The following ZNF516 variants were observed in gnomAD, a reference collection of about 807,000 sequenced individuals.
The protein encoded by ZNF516 is zinc finger protein 516.
ZNF516 carries 19 observed loss-of-function variants against 79.7 expected under a neutral mutation model. The ratio of observed to expected loss-of-function variants is 0.24; its 90% confidence interval spans 0.17 to 0.35. ZNF516 has a LOEUF of 0.35. Among genes scored for constraint, ZNF516 ranks in the 10% least tolerant of loss-of-function variants. The probability of loss-of-function intolerance (pLI) is 1.00; values close to 1 mark genes in which losing one functional copy is unlikely to be tolerated. For missense variants in ZNF516, 1,678 were observed against 1,679.5 expected (o/e 1.00, Z 0.02); for synonymous variants, 877 against 739.5 (o/e 1.19, Z -3.02).
At chr18:76,433,511 G>C (rs546550322) in intron 3 of ZNF516, among the ~76,000 whole-genome samples, 1 of 152,334 alleles carries the variant, frequency 6.6e-6, no homozygotes, top group Admixed American at 6.5e-5. Flanking sequence ...GCCCAGGTTT[G>C]CATTCCACCC....
At position 76,380,376 on chromosome 18, in the gene ZNF516, A is replaced by C. The variant is rs2074871889; in HGVS notation, c.1811-73T>G. 3.2e-6 allele frequency: 5 copies of C among 1,540,688 alleles called. No individual in the cohort carries two copies. In the South Asian group the frequency reaches 6.1e-5, roughly 19 times the overall value. On this transcript the variant is annotated intron_variant, in intron 3 of 6. Transcript: ENST00000443185. ...ACACAGCAAGACACACGGTGCGTAC[A>C]GCTACAGCATGTTCCAAGCCATCTG...
At chr18:76,391,137 G>T (rs997958818) in intron 3 of ZNF516, among the ~76,000 whole-genome samples, 3 of 152,096 alleles carry the variant, frequency 2.0e-5, no homozygotes, top group Admixed American at 1.3e-4. Flanking sequence ...AAGGAGGGCT[G>T]CGAGATTTCG....
intron 3 of ZNF516, among the ~76,000 whole-genome samples, chr18:76,418,000 G>A (rs1004833826): frequency 3.3e-5 from 5 of 152,256 alleles, no homozygotes; most frequent in African/African-American, 7.2e-5. Context: ...AAAAATAAAC[G>A]TCAGTTGAAT....
chr18:76,384,708 G>A (rs2074956369), intron 3 of ZNF516, among the ~76,000 whole-genome samples: 1 of 151,614 alleles, frequency 6.6e-6, no homozygotes, highest in Non-Finnish European at 1.5e-5. Flanking sequence ...CGGGGAGGGG[G>A]CTCCAGCTCC....
intron 1 of ZNF516, chr18:76,491,516 G>A (rs1281973398): frequency 3.4e-5 from 5 of 146,054 alleles, no homozygotes; most frequent in African/African-American, 7.4e-5. Flanking sequence ...TACAGTGCAG[G>A]CGTGTGACGT....
intron 3 of ZNF516, among the ~76,000 whole-genome samples, chr18:76,404,204 T>C (rs1009081254): frequency 4.6e-5 from 7 of 152,384 alleles, no homozygotes; most frequent in Admixed American, 6.5e-5. Flanking sequence ...TCCCACATGG[T>C]ATCGCCCTCT....
chr18:76,377,299 G>C (rs533739936), intron 4 of ZNF516, among the ~76,000 whole-genome samples: 4 of 152,256 alleles, frequency 2.6e-5, no homozygotes, highest in Non-Finnish European at 5.9e-5. Context: ...TCGGGTGTCC[G>C]GGCCTACGGC....
At chr18:76,472,079 C>T (rs143489465) in intron 1 of ZNF516, among the ~76,000 whole-genome samples, 64 of 152,290 alleles carry the variant, frequency 4.2e-4, no homozygotes, top group African/African-American at 1.5e-3. Context: ...CCCAGAGCTC[C>T]ATCCTCTTCC....
At chr18:76,489,489 A>C (rs1915030574) in intron 1 of ZNF516, among the ~76,000 whole-genome samples, 1 of 151,810 alleles carries the variant, frequency 6.6e-6, no homozygotes, top group Non-Finnish European at 1.5e-5. Context: ...AGTTTCATTT[A>C]TGAAAGTGGA....
In ZNF516 at chr18:76,360,640, A is replaced by ATATATATAT. The variant is rs1239135425; in HGVS notation, c.*1857_*1858insATATATATA. The ATATATATAT allele has an allele frequency of 9.3e-6, 1 of 107,508 alleles. No homozygotes were observed. The highest frequency in any genetic ancestry group is 3.5e-5 in the African/African-American group (1 of 28,738). 6.7% of individuals were successfully genotyped at this position (107,508 alleles called of 1,614,324 possible). A position where few individuals can be genotyped will look rare whatever the true frequency, so the allele number is the denominator to read the frequency against. On this transcript the variant is annotated 3_prime_UTR_variant, in exon 7 of 7. Transcript: ENST00000443185. ...TATCAGAAAAAAATAAGTAAAAAAA[A>ATATATATAT]AAAAAAATATATATATATATATATA...
chr18:76,396,795 T>C (rs1277477868), intron 3 of ZNF516, among the ~76,000 whole-genome samples: 1 of 152,200 alleles, frequency 6.6e-6, no homozygotes, highest in Non-Finnish European at 1.5e-5. Context: ...GCCATTCCAC[T>C]GAGAGTGAGA....
At chr18:76,368,531 C>G (rs532118910) in intron 6 of ZNF516, among the ~76,000 whole-genome samples, 1 of 152,104 alleles carries the variant, frequency 6.6e-6, no homozygotes, top group African/African-American at 2.4e-5. Context: ...AGCTCACCCA[C>G]CGAGATCTTC....
chr18:76,418,507 G>A (rs147575399), intron 3 of ZNF516, among the ~76,000 whole-genome samples: 5 of 151,134 alleles, frequency 3.3e-5, no homozygotes, highest in Admixed American at 6.6e-5. Flanking sequence ...GCTGTAACAC[G>A]CACTGTAACA....
At chr18:76,441,132 C>G (rs2075812062) in intron 3 of ZNF516, 113 bp downstream of exon 3, 1 of 1,409,364 alleles carries the variant, frequency 7.1e-7, no homozygotes, top group African/African-American at 1.5e-5. Flanking sequence ...GAGTAAAGGG[C>G]CACCGGGTAA....
chr18:76,429,468 C>G (rs1241521409), intron 3 of ZNF516, among the ~76,000 whole-genome samples: 2 of 152,196 alleles, frequency 1.3e-5, no homozygotes, highest in East Asian at 3.9e-4. Flanking sequence ...GGGCTCCTGA[C>G]TCTGCCCATT....
At position 76,361,204 on chromosome 18, in the gene ZNF516, GAAACTCTCAGA is replaced by G. The variant is rs1292335917; in HGVS notation, c.*1283_*1293del. The stretch of plus-strand genomic sequence containing the variant: ...CATAAAATCATATGTGCAAAAATCT[GAAACTCTCAGA>G]AATATTACCATCACACATAGTGTCA... On this transcript the variant is annotated 3_prime_UTR_variant, in exon 7 of 7. Coordinates refer to ENST00000443185, the MANE Select transcript of ZNF516 (RefSeq NM_014643.4). The G allele has an allele frequency of 6.6e-6, 1 of 152,088 alleles. No individual in the cohort carries two copies. Among genetic ancestry groups the G allele is most frequent in the Non-Finnish European group, 1.5e-5 (1 of 68,006 alleles). The allele number at this position is 152,088 out of a possible 1,614,324, so 9.4% of individuals were successfully genotyped here.
chr18:76,442,158 G>A lies in ZNF516; in HGVS notation c.897C>T (p.Gly299=). The A allele has an allele frequency of 6.2e-7, 1 of 1,613,944 alleles. No individual in the cohort carries two copies. Among genetic ancestry groups the A allele is most frequent in the Non-Finnish European group, 8.5e-7 (1 of 1,179,886 alleles). ...WFLKNHMKAH[G]PKTGSKNRPK... ...GCCTGTTCTTGCTGCCCGTCTTGGG[G>A]CCGTGCGCCTTCATGTGGTTCTTGA... Residue 299 remains glycine, a synonymous_variant, in exon 3 of 7, where the codon GGC becomes GGT. Transcript: ENST00000443185.
At chr18:76,423,869 C>A (rs79543471) in intron 3 of ZNF516, among the ~76,000 whole-genome samples, 2 of 149,544 alleles carry the variant, frequency 1.3e-5, no homozygotes, top group Non-Finnish European at 3.0e-5. Flanking sequence ...AAAACACACA[C>A]GCAGGTGAAA....
At chr18:76,364,421 C>A (rs561535854) in intron 6 of ZNF516, among the ~76,000 whole-genome samples, 117 of 152,324 alleles carry the variant, frequency 7.7e-4, no homozygotes, top group Admixed American at 2.8e-3. Context: ...AGCACGCCCA[C>A]CATCGCCTTG....
Sources: gnomAD v4.1 joint callset for allele counts (sites outside exome capture counted in the v4.1 genomes callset) on GRCh38, gnomAD v4.1.1 for gene constraint, MANE v1.5 for transcripts, NCBI Gene and HGNC (gene_info 2026-07-23, HGNC 2026-07-21) for gene names.